Variants in DOCK2 observed in about 807,000 individuals in gnomAD.
The protein encoded by DOCK2 is dedicator of cytokinesis protein 2.
Under a neutral mutation model 248.9 loss-of-function variants are expected in DOCK2, and 87 were observed. That is an observed-to-expected ratio of 0.35 (90% confidence interval 0.29 to 0.42). The LOEUF is 0.42. Ranked by LOEUF, DOCK2 falls within the 10% of genes least tolerant of loss-of-function variation. DOCK2 has a pLI of 1.00. For synonymous variants in DOCK2, 805 were observed against 821.6 expected (o/e 0.98, Z 0.35); for missense variants, 1,747 against 2,300.2 (o/e 0.76, Z 4.92).
At chr5:169,792,939 G>A (rs573947844) in intron 25 of DOCK2, among the ~76,000 whole-genome samples, 86 of 152,304 alleles carry the variant, frequency 5.6e-4, no homozygotes, top group African/African-American at 1.8e-3. Flanking sequence ...CTAGCAATGA[G>A]GAGGCCAGCC....
At chr5:170,029,681 C>T (rs6894063) in intron 34 of DOCK2, among the ~76,000 whole-genome samples, 1 of 151,876 alleles carries the variant, frequency 6.6e-6, no homozygotes, top group African/African-American at 2.4e-5. Context: ...GGCTTAGGAA[C>T]ATGACCCAGA....
At chr5:169,723,581 C>T (rs898215800) in intron 22 of DOCK2, among the ~76,000 whole-genome samples, 1 of 152,158 alleles carries the variant, frequency 6.6e-6, no homozygotes, top group Non-Finnish European at 1.5e-5. Context: ...TGCTACTCCT[C>T]ACTCACTTTG....
rs1321988231 is a variant in DOCK2 at position 169,898,417 on chromosome 5, AT to A, written c.2799+57568del. 2.0e-5 allele frequency among the ~76,000 whole-genome samples: 3 copies of A among 152,138 alleles called. 1 individual carries two copies. The South Asian group carries it at 6.2e-4, about 31-fold the overall frequency. Reference sequence around the variant, plus strand: ...CCTGGGTTTAAAATCCAGCTGTCTCATTTACTAGCTCTGTGACCTTGGTCAG... The same window carrying A: ...CCTGGGTTTAAAATCCAGCTGTCTCATTACTAGCTCTGTGACCTTGGTCAG... On this transcript the variant is annotated intron_variant, in intron 27 of 51. Coordinates refer to ENST00000520908, the MANE Select transcript of DOCK2 (RefSeq NM_004946.3).
At chr5:169,964,515 CT>C (rs1383152471) in intron 27 of DOCK2, among the ~76,000 whole-genome samples, 1 of 152,230 alleles carries the variant, frequency 6.6e-6, no homozygotes, top group African/African-American at 2.4e-5. Context: ...CTGTGGCCAG[CT>C]CTTCTGCTGG....
intron 27 of DOCK2, among the ~76,000 whole-genome samples, chr5:169,886,445 A>G (rs558271213): frequency 6.6e-6 from 1 of 152,236 alleles, no homozygotes; most frequent in Non-Finnish European, 1.5e-5. Flanking sequence ...TCCTCAGTCC[A>G]TGACTAAATC....
chr5:169,942,448 A>G (rs1200554674), intron 27 of DOCK2, among the ~76,000 whole-genome samples: 4 of 152,250 alleles, frequency 2.6e-5, no homozygotes, highest in African/African-American at 9.6e-5. Flanking sequence ...GCACTCGTCC[A>G]TGAGCCACAC....
At chr5:169,726,971 A>C (rs1762505246) in intron 22 of DOCK2, among the ~76,000 whole-genome samples, 1 of 151,790 alleles carries the variant, frequency 6.6e-6, no homozygotes, top group African/African-American at 2.4e-5. Flanking sequence ...GGAGAGGCTG[A>C]GGTGAAAGAA....
intron 29 of DOCK2, among the ~76,000 whole-genome samples, chr5:169,989,434 A>G (rs1359453681): frequency 2.0e-5 from 3 of 152,222 alleles, no homozygotes; most frequent in Non-Finnish European, 4.4e-5. Context: ...GCATAGCCCT[A>G]AAGTTACCCT....
chr5:170,049,463 G>C (rs544057121), intron 40 of DOCK2, among the ~76,000 whole-genome samples: 224 of 152,334 alleles, frequency 1.5e-3, no homozygotes, highest in African/African-American at 4.4e-3. Flanking sequence ...GATCAGCCAG[G>C]TTTGGAAGCA....
At chr5:169,958,369 G>A (rs1776950432) in intron 27 of DOCK2, among the ~76,000 whole-genome samples, 1 of 152,104 alleles carries the variant, frequency 6.6e-6, no homozygotes, top group Non-Finnish European at 1.5e-5. Flanking sequence ...CCCCAAAGGT[G>A]GGAAAAGCAA....
intron 25 of DOCK2, among the ~76,000 whole-genome samples, chr5:169,768,015 A>T (rs998454826): frequency 1.1e-4 from 16 of 152,244 alleles, no homozygotes; most frequent in Non-Finnish European, 2.4e-4. Context: ...GATGAAGGTC[A>T]TATGCCTTTT....
At chr5:169,931,743 G>A (rs1405214673) in intron 27 of DOCK2, among the ~76,000 whole-genome samples, 2 of 152,128 alleles carry the variant, frequency 1.3e-5, no homozygotes, top group Non-Finnish European at 2.9e-5. Context: ...AAGGTGGCTG[G>A]CACTGTGCTT....
At chr5:170,063,996 T>C in intron 44 of DOCK2, among the ~76,000 whole-genome samples, 1 of 152,156 alleles carries the variant, frequency 6.6e-6, no homozygotes, top group East Asian at 1.9e-4. Context: ...CTAGAGAGTC[T>C]AGCCCCTGCC....
At chr5:169,666,242 C>T (rs1449415569) in intron 2 of DOCK2, among the ~76,000 whole-genome samples, 1 of 152,120 alleles carries the variant, frequency 6.6e-6, no homozygotes, top group Non-Finnish European at 1.5e-5. Context: ...TAATCCCATT[C>T]ATAAAGGCTC....
intron 6 of DOCK2, among the ~76,000 whole-genome samples, chr5:169,680,044 A>G (rs28547935): frequency 0.028 from 4,325 of 152,148 alleles, 216 homozygotes; most frequent in African/African-American, 0.097. Context: ...TTTCAAGTTC[A>G]AGGTTTCTGC....
At chr5:169,703,681 T>C (rs17736834) in intron 14 of DOCK2, among the ~76,000 whole-genome samples, 3,825 of 152,350 alleles carry the variant, frequency 0.025, 154 homozygotes, top group South Asian at 0.16. Context: ...TAGTATCTAT[T>C]TGAACAAAAT....
At chr5:169,830,645 G>T (rs965013995) in intron 26 of DOCK2, among the ~76,000 whole-genome samples, 1 of 152,106 alleles carries the variant, frequency 6.6e-6, no homozygotes. Flanking sequence ...TTCTGCTCTG[G>T]CCTGCAGGTT....
chr5:169,791,010 G>T (rs1766304212), intron 25 of DOCK2, among the ~76,000 whole-genome samples: 1 of 152,108 alleles, frequency 6.6e-6, no homozygotes, highest in Non-Finnish European at 1.5e-5. Flanking sequence ...ACCCCCAGCT[G>T]CTACCACCTA....
At chr5:170,047,843 A>T (rs1258822075) in intron 40 of DOCK2, among the ~76,000 whole-genome samples, 1 of 152,072 alleles carries the variant, frequency 6.6e-6, no homozygotes, top group Non-Finnish European at 1.5e-5. Flanking sequence ...CTGCCTCGTG[A>T]GGTAGTGAGT....
Sources: allele counts gnomAD v4.1 joint callset (sites outside exome capture counted in the v4.1 genomes callset), GRCh38; gene constraint gnomAD v4.1.1; transcripts MANE v1.5; gene names NCBI Gene and HGNC (gene_info 2026-07-23, HGNC 2026-07-21).